PDZRN4: variants seen among roughly 807,000 people sequenced by gnomAD.
PDZRN4 encodes the protein PDZ domain containing ring finger 4.
A neutral mutation model predicts 99.0 loss-of-function variants in PDZRN4; 70 were observed. The ratio of observed to expected loss-of-function variants is 0.71; its 90% CI spans 0.58 to 0.86. The LOEUF is 0.86. PDZRN4 is among the 40% of genes least tolerant of loss of function. The probability of loss-of-function intolerance (pLI) is 0.00; values close to 1 mark genes in which losing one functional copy is unlikely to be tolerated. For missense variants in PDZRN4, 1,474 were observed against 1,331.2 expected, an observed-to-expected ratio of 1.11 and a Z score of -1.67; for synonymous variants, 551 against 501.6, an observed-to-expected ratio of 1.10 and a Z score of -1.32.
At chr12:41,255,691 C>T (rs1318300661) in intron 3 of PDZRN4, among the ~76,000 whole-genome samples, 1 of 152,116 alleles carries the variant, frequency 6.6e-6, no homozygotes, top group East Asian at 1.9e-4. Flanking sequence ...GTTTAATTGG[C>T]TCATGGTTTT....
chr12:41,203,016 T>C (rs1950827521), intron 3 of PDZRN4, among the ~76,000 whole-genome samples: 4 of 151,702 alleles, frequency 2.6e-5, no homozygotes, highest in Non-Finnish European at 5.9e-5. Context: ...CAGAAAAAAA[T>C]AGTTAACAAA....
chr12:41,563,792 C>A, intron 8 of PDZRN4, 143 bp downstream of exon 8: 2 of 619,814 alleles, frequency 3.2e-6, no homozygotes, highest in Non-Finnish European at 2.8e-6. Context: ...TATAACCCAC[C>A]AGATGGCCTA....
intron 3 of PDZRN4, among the ~76,000 whole-genome samples, chr12:41,206,043 G>T (rs562781868): frequency 6.6e-6 from 1 of 152,020 alleles, no homozygotes; most frequent in East Asian, 1.9e-4. Context: ...TAGCTGTGTA[G>T]TATTGTAGCA....
chr12:41,572,924 T>C lies in PDZRN4; in HGVS notation c.2145T>C (p.Asp715=). 1 of 1,614,030 alleles carries C rather than the reference T, an allele frequency of 6.2e-7. No homozygotes were observed. Among genetic ancestry groups the C allele is most frequent in the Non-Finnish European group, 8.5e-7 (1 of 1,179,996 alleles). Residue 715 remains aspartate (D), a synonymous_variant, in exon 10 of 10, where the codon GAT becomes GAC. Coordinates refer to ENST00000402685, the MANE Select transcript of PDZRN4 (RefSeq NM_001164595.2). ...GGFRNYNTSI[D]MQRGKLDDIM... ...TCCGGAATTATAACACCAGCATAGA[T>C]ATGCAAAGGGGAAAGCTAGATGACA... is the stretch of plus-strand genomic sequence containing the variant.
chr12:41,295,731 A>T (rs889250748), intron 3 of PDZRN4, among the ~76,000 whole-genome samples: 6 of 152,166 alleles, frequency 3.9e-5, no homozygotes, highest in Non-Finnish European at 8.8e-5. Context: ...AGGGTAAGAC[A>T]TCAGTTTCAA....
At chr12:41,312,607 T>C (rs1375783412) in intron 3 of PDZRN4, among the ~76,000 whole-genome samples, 2 of 152,142 alleles carry the variant, frequency 1.3e-5, no homozygotes, top group Non-Finnish European at 2.9e-5. Flanking sequence ...AGAGCAAAGA[T>C]GTGTCTAACA....
At chr12:41,442,796 AT>A (rs1342594556) in intron 3 of PDZRN4, among the ~76,000 whole-genome samples, 2 of 151,948 alleles carry the variant, frequency 1.3e-5, no homozygotes, top group Admixed American at 6.6e-5. Context: ...GTTCCACCAT[AT>A]CTATGAGGAT....
chr12:41,295,565 A>G (rs1191076951), intron 3 of PDZRN4, among the ~76,000 whole-genome samples: 1 of 152,158 alleles, frequency 6.6e-6, no homozygotes, highest in African/African-American at 2.4e-5. Context: ...CCATAAGAAA[A>G]TAATGGCCTA....
intron 3 of PDZRN4, among the ~76,000 whole-genome samples, chr12:41,302,308 C>A (rs1245098598): frequency 6.6e-6 from 1 of 152,078 alleles, no homozygotes. Flanking sequence ...CATATAGCCA[C>A]AATCACCACT....
intron 3 of PDZRN4, among the ~76,000 whole-genome samples, chr12:41,261,941 TGTG>T (rs1951243463): frequency 1.3e-5 from 2 of 152,162 alleles, no homozygotes; most frequent in South Asian, 4.1e-4. Flanking sequence ...GAATAGTATC[TGTG>T]GTGGTGGGCA....
intron 3 of PDZRN4, among the ~76,000 whole-genome samples, chr12:41,421,159 C>T (rs549516668): frequency 3.3e-5 from 5 of 152,244 alleles, no homozygotes; most frequent in African/African-American, 1.2e-4. Flanking sequence ...TATTGTAAAA[C>T]ATCATTACTT....
chr12:41,366,727 C>T (rs192452867), intron 3 of PDZRN4, among the ~76,000 whole-genome samples: 8 of 152,132 alleles, frequency 5.3e-5, no homozygotes, highest in Admixed American at 5.2e-4. Context: ...GGCAATAGAT[C>T]CTCTCGGCAT....
At chr12:41,433,148 C>T (rs959216673) in intron 3 of PDZRN4, among the ~76,000 whole-genome samples, 2 of 152,184 alleles carry the variant, frequency 1.3e-5, no homozygotes, top group Non-Finnish European at 2.9e-5. Context: ...AAGCCATTCC[C>T]TTTATTTTAA....
At chr12:41,246,557 T>C (rs1187513725) in intron 3 of PDZRN4, among the ~76,000 whole-genome samples, 1 of 152,218 alleles carries the variant, frequency 6.6e-6, no homozygotes, top group African/African-American at 2.4e-5. Context: ...TCTAATTTTT[T>C]TCAGCTAACT....
chr12:41,399,631 G>A (rs887350621), intron 3 of PDZRN4, among the ~76,000 whole-genome samples: 2 of 151,960 alleles, frequency 1.3e-5, no homozygotes, highest in African/African-American at 4.8e-5. Context: ...AGCTACCTGG[G>A]AGGCTGAGGC....
intron 3 of PDZRN4, among the ~76,000 whole-genome samples, chr12:41,244,851 AT>A (rs1432708804): frequency 9.0e-6 from 1 of 110,564 alleles, no homozygotes; most frequent in Non-Finnish European, 2.0e-5. Flanking sequence ...CGCCCGGCTA[AT>A]TTTTTGTATT....
intron 3 of PDZRN4, among the ~76,000 whole-genome samples, chr12:41,416,676 T>C (rs1055702310): frequency 6.6e-6 from 1 of 151,938 alleles, no homozygotes; most frequent in Non-Finnish European, 1.5e-5. Context: ...AAGAAAATGG[T>C]CTTTTACTTT....
chr12:41,434,134 C>T (rs761023371), intron 3 of PDZRN4, among the ~76,000 whole-genome samples: 2 of 152,086 alleles, frequency 1.3e-5, no homozygotes, highest in Non-Finnish European at 2.9e-5. Context: ...TTATTAAAAT[C>T]TTTTTAAATC....
intron 3 of PDZRN4, among the ~76,000 whole-genome samples, chr12:41,339,586 T>C (rs759879974): frequency 6.6e-6 from 1 of 151,714 alleles, no homozygotes; most frequent in Non-Finnish European, 1.5e-5. Context: ...AATGAGACCA[T>C]ATCAAGTTAA....
Sources: allele counts gnomAD v4.1 joint callset (sites outside exome capture counted in the v4.1 genomes callset), GRCh38; gene constraint gnomAD v4.1.1; transcripts MANE v1.5; gene names NCBI Gene and HGNC (gene_info 2026-07-23, HGNC 2026-07-21).